C19orf47: variants seen among roughly 807,000 people sequenced by gnomAD.
The protein encoded by C19orf47 is chromosome 19 open reading frame 47.
A neutral mutation model predicts 32.3 loss-of-function variants in C19orf47; 18 were observed. The observed-to-expected ratio is 0.56, with a 90% CI of 0.39 to 0.83. C19orf47 has a LOEUF of 0.83. Among genes scored for constraint, C19orf47 ranks in the 40% least tolerant of loss-of-function variants. The pLI, the probability that C19orf47 is intolerant of heterozygous loss-of-function variation, is 0.00. For synonymous variants in C19orf47, 202 were observed against 211.1 expected (o/e 0.96, Z 0.37); for missense variants, 484 against 531.6 (o/e 0.91, Z 0.88).
At chr19:40,343,382 C>A (rs2078214601) in intron 1 of C19orf47, 1 of 152,250 alleles carries the variant, frequency 6.6e-6, no homozygotes, top group South Asian at 2.1e-4. Flanking sequence ...TCCAGCTCTA[C>A]CACTTATTAG....
chr19:40,324,734 T>A (rs1369748735), intron 7 of C19orf47: 2 of 151,090 alleles, frequency 1.3e-5, no homozygotes, highest in East Asian at 3.9e-4. Context: ...ATGCCAAGAG[T>A]GGTGACTCAT....
Position 40,322,347 on chromosome 19 carries a change from G to T in C19orf47, c.693C>A (p.Ala231=). ...KPTGVFSRLG[A]TPETDEDLAW... ...CCAGATCCTCGTCCGTTTCTGGGGT[G>T]GCCCCCAGGCGGCTGAAGACTCCTG... Residue 231 remains alanine, a synonymous_variant, in exon 9 of 9, where the codon GCC becomes GCA. Coordinates refer to ENST00000683109, the MANE Select transcript of C19orf47 (RefSeq NM_001256441.2). The T allele has an allele frequency of 6.3e-7, 1 of 1,595,898 alleles. No homozygotes were observed.
chr19:40,332,977 G>A (rs2077985470), intron 5 of C19orf47, among the ~76,000 whole-genome samples: 1 of 152,014 alleles, frequency 6.6e-6, no homozygotes, highest in African/African-American at 2.4e-5. Flanking sequence ...TAGCCCCCTG[G>A]ACGGGAGCAG....
chr19:40,324,959 C>CAA (rs1010489988), intron 7 of C19orf47, among the ~76,000 whole-genome samples: 3 of 131,638 alleles, frequency 2.3e-5, no homozygotes, highest in African/African-American at 2.8e-5. Flanking sequence ...GACTCTGTCT[C>CAA]AAAAAAAAAA....
At chr19:40,297,695 G>A in the C19orf47 span, among the ~76,000 whole-genome samples, 6 of 115,410 alleles carry the variant, frequency 5.2e-5, no homozygotes, top group South Asian at 3.0e-4. Flanking sequence ...GCGAGACTCC[G>A]TCTCGGAAAA....
rs201486939 is a variant in C19orf47 at position 40,339,996 on chromosome 19, C to A, written c.19+1843G>T. On this transcript the variant is annotated intron_variant, in intron 2 of 8. Transcript: ENST00000683109. ...ATCTCAAAACAAAAAAAAAAAAAAA[C>A]AAAAAAAGAAAGGTAAGGCAAGAAA... 9.3e-3 allele frequency among the ~76,000 whole-genome samples: 1,278 copies of A among 137,404 alleles called. 18 individuals are homozygous for A. Among genetic ancestry groups the A allele is most frequent in the African/African-American group, 0.027 (1,020 of 37,444 alleles). 90.1% of individuals were successfully genotyped at this position (137,404 alleles called of 152,430 possible).
intron 7 of C19orf47, 101 bp from the exon 8 acceptor site, chr19:40,324,177 G>T: frequency 8.8e-7 from 1 of 1,135,256 alleles, no homozygotes. Flanking sequence ...GTAGCTCTGG[G>T]ACAGGCAGGG....
In C19orf47 at chr19:40,326,506, G is replaced by T. The variant is rs367962214; in HGVS notation, c.440-20C>A. The stretch of plus-strand genomic sequence containing the variant: ...GGGCTGCTGGGGGAAGAAAGCAGGG[G>T]TATCAGCACTCTCTGAGACAGAACG... On this transcript the variant is annotated intron_variant, in intron 6 of 8. Coordinates refer to ENST00000683109, the MANE Select transcript of C19orf47 (RefSeq NM_001256441.2). 11 of 1,609,304 alleles carry T rather than the reference G, an allele frequency of 6.8e-6. No individual in the cohort carries two copies. The African/African-American group carries it at 1.2e-4, about 18-fold the overall frequency.
chr19:40,337,080 T>G (rs2078079651), intron 2 of C19orf47, among the ~76,000 whole-genome samples: 1 of 152,052 alleles, frequency 6.6e-6, no homozygotes, highest in African/African-American at 2.4e-5. Flanking sequence ...CTGACAAGTG[T>G]TTACCCAGCA....
At position 40,348,391 on chromosome 19, in the gene C19orf47, ACTC is replaced by A. The variant is rs1452115641; in HGVS notation, c.-104_-102del. ...CTCCCGGCGGCGCCAACTGTCAGAC[ACTC>A]CTCCCCCGGCCCGGGCTGCCCGCCC... On this transcript the variant is annotated 5_prime_UTR_variant, in exon 1 of 9. Coordinates refer to ENST00000683109, the MANE Select transcript of C19orf47 (RefSeq NM_001256441.2). 4.3e-6 allele frequency: 6 copies of A among 1,408,756 alleles called. No homozygotes were observed. In the Admixed American group the frequency reaches 1.6e-4, roughly 38 times the overall value. 87.3% of individuals were successfully genotyped at this position (1,408,756 alleles called of 1,614,324 possible).
chr19:40,304,919 A>G, the C19orf47 span, among the ~76,000 whole-genome samples: 3 of 152,136 alleles, frequency 2.0e-5, no homozygotes, highest in African/African-American at 7.2e-5. Flanking sequence ...TTTTTATTCC[A>G]GGTCTGAACT....
the C19orf47 span, among the ~76,000 whole-genome samples, chr19:40,299,768 G>A: frequency 6.6e-6 from 1 of 152,204 alleles, no homozygotes; most frequent in Admixed American, 6.5e-5. Context: ...GCTCACGTCT[G>A]TAATCCCAGT....
the C19orf47 span, among the ~76,000 whole-genome samples, chr19:40,310,040 CAT>C: frequency 2.6e-5 from 4 of 152,272 alleles, no homozygotes; most frequent in African/African-American, 9.6e-5. Context: ...GAATTGAAAA[CAT>C]ATGTCTACAC....
At chr19:40,330,808 G>A (rs1371232264) in intron 5 of C19orf47, among the ~76,000 whole-genome samples, 3 of 152,168 alleles carry the variant, frequency 2.0e-5, no homozygotes, top group African/African-American at 7.2e-5. Context: ...AAAGGCATGG[G>A]CCACCATACC....
the C19orf47 span, among the ~76,000 whole-genome samples, chr19:40,307,820 A>G: frequency 6.7e-6 from 1 of 150,104 alleles, no homozygotes; most frequent in South Asian, 2.1e-4. Flanking sequence ...TTTTTTTGAG[A>G]CAGTGTCTTG....
rs200907567 is a variant in C19orf47 at position 40,328,476 on chromosome 19, T to C, written c.376A>G (p.Ser126Gly). 65 of 1,612,144 alleles carry C rather than the reference T, an allele frequency of 4.0e-5. No individual in the cohort carries two copies. Among genetic ancestry groups the C allele is most frequent in the Middle Eastern group, 1.6e-4 (1 of 6,070 alleles). ...ACAGTGACCGAGATCTTGGAGGTGCTGGTGTCCGGGCGCCTGGGGGGTGTG... is the reference window on the plus strand; with the variant it reads ...ACAGTGACCGAGATCTTGGAGGTGCCGGTGTCCGGGCGCCTGGGGGGTGTG... ...PSTPPRRPDT[S>G]TSKISVTVSN... The change falls in exon 6 of 9, where the codon AGC becomes GGC. Residue 126 changes from serine to glycine, a missense_variant. Physicochemically the swap from Ser to Gly is moderately conservative, Grantham distance 56 (BLOSUM62 0). Around this residue, in one of 3 missense-constraint regions of C19orf47, gnomAD observed 376 missense variants for 370.2 expected, o/e 1.02. Coordinates refer to ENST00000683109, the MANE Select transcript of C19orf47 (RefSeq NM_001256441.2).
chr19:40,326,385 C>T lies in C19orf47; in HGVS notation c.541G>A (p.Gly181Ser). The T allele has an allele frequency of 6.2e-7, 1 of 1,614,160 alleles. No homozygotes were observed. The highest frequency in any genetic ancestry group is 8.5e-7 in the Non-Finnish European group (1 of 1,180,038). ...EGKYVINMPKGTTPRTRKILE... is the reference protein window; with the variant it reads ...EGKYVINMPKSTTPRTRKILE... ...ATCTTGCGGGTGCGGGGTGTGGTGC[C>T]TTTGGGCATGTTGATGACGTACTTC... is the stretch of plus-strand genomic sequence containing the variant. Residue 181 changes from glycine (G) to serine (S), a missense_variant, in exon 7 of 9, where the codon GGC (glycine) becomes AGC (serine). Physicochemically the swap from Gly to Ser is moderately conservative, Grantham distance 56 (BLOSUM62 0). This residue lies in a region of C19orf47 where 376 missense variants were observed against 370.2 expected (regional missense o/e 1.02). Transcript: ENST00000683109.
the C19orf47 span, among the ~76,000 whole-genome samples, chr19:40,306,151 C>CAAAAAAAA: frequency 1.9e-5 from 1 of 53,872 alleles, no homozygotes; most frequent in Non-Finnish European, 3.6e-5. Context: ...AACTCTGTCT[C>CAAAAAAAA]AAAAAAAAAA....
At chr19:40,299,273 T>C in the C19orf47 span, among the ~76,000 whole-genome samples, 6 of 152,150 alleles carry the variant, frequency 3.9e-5, no homozygotes, top group African/African-American at 1.4e-4. Context: ...ATGAAATGAA[T>C]ATTAATAAAT....
Sources: allele counts gnomAD v4.1 joint callset (sites outside exome capture counted in the v4.1 genomes callset), GRCh38; gene constraint gnomAD v4.1.1; regional missense constraint gnomAD v4.1.1; transcripts MANE v1.5; gene names NCBI Gene and HGNC (gene_info 2026-07-23, HGNC 2026-07-21).